STPG2: variants seen among roughly 807,000 people sequenced by gnomAD.
The protein encoded by STPG2 is sperm-tail PG-rich repeat-containing protein 2.
STPG2 carries 56 observed loss-of-function variants against 54.2 expected under a neutral mutation model. That is an observed-to-expected ratio of 1.03 (90% CI 0.83 to 1.29). STPG2 has a LOEUF of 1.29. STPG2 is among the 50% of genes most tolerant of loss of function. The pLI is 0.00. For missense variants in STPG2, 596 were observed against 544.9 expected (o/e 1.09, Z -0.93); for synonymous variants, 200 against 181.8 (o/e 1.10, Z -0.81).
intron 10 of STPG2, among the ~76,000 whole-genome samples, chr4:97,630,406 A>G (rs1276845243): frequency 6.6e-6 from 1 of 151,896 alleles, no homozygotes; most frequent in Admixed American, 6.6e-5. Context: ...TGTAGCAAAG[A>G]TGAAATCAGA....
intron 5 of STPG2, among the ~76,000 whole-genome samples, chr4:98,035,182 A>T (rs192167422): frequency 6.8e-4 from 103 of 152,212 alleles, no homozygotes; most frequent in Non-Finnish European, 1.1e-3. Flanking sequence ...TGGGAGAAAA[A>T]TTCTGCAATC....
At chr4:97,806,863 T>C (rs1217551989) in intron 9 of STPG2, among the ~76,000 whole-genome samples, 4 of 152,138 alleles carry the variant, frequency 2.6e-5, no homozygotes, top group Admixed American at 6.6e-5. Flanking sequence ...ATCACAAAGA[T>C]TGCTGCCTCA....
chr4:97,759,080 T>C (rs966182617), intron 9 of STPG2, among the ~76,000 whole-genome samples: 1 of 152,108 alleles, frequency 6.6e-6, no homozygotes, highest in African/African-American at 2.4e-5. Flanking sequence ...ACAGAGATGA[T>C]GTCATTAGTG....
chr4:97,516,009 T>G (rs1320827836), intron 4 of STPG2, among the ~76,000 whole-genome samples: 1 of 152,122 alleles, frequency 6.6e-6, no homozygotes, highest in Non-Finnish European at 1.5e-5. Context: ...CAAGTGGTAG[T>G]GAAGGAAAGA....
chr4:97,816,242 G>A (rs1261930536), intron 9 of STPG2, among the ~76,000 whole-genome samples: 2 of 152,072 alleles, frequency 1.3e-5, no homozygotes, highest in Non-Finnish European at 2.9e-5. Context: ...AGTACTCCAT[G>A]GTATATATGT....
intron 5 of STPG2, among the ~76,000 whole-genome samples, chr4:98,023,029 T>G (rs1736277885): frequency 4.6e-5 from 7 of 152,190 alleles, no homozygotes; most frequent in Admixed American, 3.3e-4. Context: ...TCAAAGTCAC[T>G]CTCCATCCAG....
intron 10 of STPG2, among the ~76,000 whole-genome samples, chr4:97,690,204 G>T (rs942715540): frequency 1.7e-4 from 26 of 152,076 alleles, no homozygotes; most frequent in African/African-American, 6.3e-4. Context: ...TAGAGTAATT[G>T]ATTTTTTTTA....
chr4:97,653,830 G>A (rs573056944), intron 10 of STPG2, among the ~76,000 whole-genome samples: 2 of 152,238 alleles, frequency 1.3e-5, no homozygotes, highest in East Asian at 3.9e-4. Flanking sequence ...TGGCAGGGGA[G>A]GGAAAGTGAG....
intron 8 of STPG2, among the ~76,000 whole-genome samples, chr4:97,874,313 C>G (rs957201589): frequency 6.6e-6 from 1 of 151,550 alleles, no homozygotes; most frequent in South Asian, 2.1e-4. Flanking sequence ...GTTTTTATAA[C>G]ATACATCAAT....
At chr4:97,963,923 A>T (rs1454504779) in intron 7 of STPG2, among the ~76,000 whole-genome samples, 1 of 152,158 alleles carries the variant, frequency 6.6e-6, no homozygotes, top group Non-Finnish European at 1.5e-5. Context: ...AAATTTAATG[A>T]AAAATAAATT....
chr4:97,889,837 C>A (rs534093038), intron 8 of STPG2, among the ~76,000 whole-genome samples: 3 of 151,858 alleles, frequency 2.0e-5, no homozygotes, highest in Admixed American at 2.0e-4. Flanking sequence ...TTTCTCAGTA[C>A]GAAAATGATA....
At chr4:97,936,424 T>C (rs913491431) in intron 8 of STPG2, among the ~76,000 whole-genome samples, 10 of 152,320 alleles carry the variant, frequency 6.6e-5, no homozygotes, top group Middle Eastern at 3.4e-3. Context: ...GTCATCATGA[T>C]GCTAGCTGGT....
At chr4:97,846,174 A>C (rs1728943324) in intron 8 of STPG2, among the ~76,000 whole-genome samples, 2 of 152,150 alleles carry the variant, frequency 1.3e-5, no homozygotes, top group Middle Eastern at 3.2e-3. Flanking sequence ...TAGGAGACAA[A>C]GTCACACTAG....
chr4:97,912,130 A>G (rs1056689733), intron 8 of STPG2, among the ~76,000 whole-genome samples: 43 of 151,488 alleles, frequency 2.8e-4, no homozygotes, highest in African/African-American at 1.0e-3. Flanking sequence ...AAACAGAAAG[A>G]AAAAAAAACA....
chr4:98,095,029 T>TA (rs1206734108), intron 5 of STPG2, among the ~76,000 whole-genome samples: 12 of 152,068 alleles, frequency 7.9e-5, no homozygotes, highest in Non-Finnish European at 2.9e-5. Flanking sequence ...AACAAAAAGT[T>TA]AAAAAAACAG....
At chr4:97,793,570 G>A (rs977370713) in intron 9 of STPG2, among the ~76,000 whole-genome samples, 1 of 151,496 alleles carries the variant, frequency 6.6e-6, no homozygotes, top group Non-Finnish European at 1.5e-5. Flanking sequence ...TTACCAAAGG[G>A]GTTTCTAAAA....
intron 10 of STPG2, among the ~76,000 whole-genome samples, chr4:97,618,088 T>G (rs1434630878): frequency 6.6e-6 from 1 of 152,142 alleles, no homozygotes; most frequent in African/African-American, 2.4e-5. Flanking sequence ...TCCACTGAGT[T>G]GGAGTTTAAC....
chr4:97,712,383 A>T (rs1724150217), intron 10 of STPG2, among the ~76,000 whole-genome samples: 1 of 152,286 alleles, frequency 6.6e-6, no homozygotes. Flanking sequence ...AAATACTAAG[A>T]GATTTCAATG....
At chr4:97,817,585 C>T (rs1451155982) in intron 9 of STPG2, among the ~76,000 whole-genome samples, 1 of 151,902 alleles carries the variant, frequency 6.6e-6, no homozygotes, top group Admixed American at 6.6e-5. Context: ...GGCTGCTTCC[C>T]CATTATCTAG....
Sources: gnomAD v4.1 joint callset for allele counts (sites outside exome capture counted in the v4.1 genomes callset) on GRCh38, gnomAD v4.1.1 for gene constraint, MANE v1.5 for transcripts, NCBI Gene and HGNC (gene_info 2026-07-23, HGNC 2026-07-21) for gene names.